CDH8: variants seen among roughly 807,000 people sequenced by gnomAD.
CDH8 encodes cadherin-8.
Under a neutral mutation model 68.1 loss-of-function variants are expected in CDH8, and 17 were observed. The observed-to-expected ratio is 0.25, with a 90% CI of 0.17 to 0.37. The LOEUF (loss-of-function observed/expected upper bound fraction) is 0.37. Ranked by LOEUF, CDH8 falls within the 10% of genes least tolerant of loss-of-function variation. The pLI is 1.00. For synonymous variants in CDH8, 372 were observed against 365.1 expected (o/e 1.02, Z -0.21); for missense variants, 763 against 999.3 (o/e 0.76, Z 3.19).
intron 2 of CDH8, among the ~76,000 whole-genome samples, chr16:61,950,951 TA>T (rs1357610678): frequency 6.6e-6 from 1 of 152,076 alleles, no homozygotes. Context: ...GTACCAGGCT[TA>T]ATACCTGAGT....
chr16:61,743,880 T>G (rs1207604279), intron 8 of CDH8, among the ~76,000 whole-genome samples: 1 of 152,170 alleles, frequency 6.6e-6, no homozygotes, highest in Non-Finnish European at 1.5e-5. Context: ...ATGTGTTAAT[T>G]TCTTTGTTTT....
intron 2 of CDH8, among the ~76,000 whole-genome samples, chr16:61,957,832 T>A (rs1206130111): frequency 6.6e-6 from 1 of 152,158 alleles, no homozygotes; most frequent in Admixed American, 6.6e-5. Context: ...GAAAGCCATT[T>A]CCTCTCCCTC....
At chr16:61,833,322 C>T (rs953706285) in intron 4 of CDH8, among the ~76,000 whole-genome samples, 7 of 151,176 alleles carry the variant, frequency 4.6e-5, no homozygotes, top group African/African-American at 1.5e-4. Context: ...TAAATATATA[C>T]GTTCATATAT....
At chr16:61,869,000 C>T (rs923705280) in intron 3 of CDH8, among the ~76,000 whole-genome samples, 1 of 152,058 alleles carries the variant, frequency 6.6e-6, no homozygotes, top group Admixed American at 6.5e-5. Context: ...GTTTTCAGCC[C>T]TGAAGATGTG....
intron 3 of CDH8, among the ~76,000 whole-genome samples, chr16:61,883,554 A>G (rs932891239): frequency 1.3e-5 from 2 of 151,954 alleles, no homozygotes; most frequent in African/African-American, 2.4e-5. Flanking sequence ...GGCAAGTGAT[A>G]CTAATAGTGA....
At chr16:61,732,416 C>T (rs1238062091) in intron 8 of CDH8, among the ~76,000 whole-genome samples, 1 of 151,730 alleles carries the variant, frequency 6.6e-6, no homozygotes, top group Non-Finnish European at 1.5e-5. Context: ...ATAAAAATAG[C>T]AGCTAACTTC....
intron 2 of CDH8, among the ~76,000 whole-genome samples, chr16:61,987,960 A>T (rs1033096187): frequency 6.6e-6 from 1 of 152,174 alleles, no homozygotes; most frequent in Non-Finnish European, 1.5e-5. Context: ...TTAGTAAATT[A>T]TGTTTCTGGT....
At chr16:61,674,907 C>A (rs1963866777) in intron 10 of CDH8, among the ~76,000 whole-genome samples, 1 of 142,844 alleles carries the variant, frequency 7.0e-6, no homozygotes, top group African/African-American at 2.6e-5. Context: ...ATTGCAATAG[C>A]AACTATCTGA....
At position 61,649,415 on chromosome 16, in the gene CDH8, T is replaced by C. The variant is rs1963272263; in HGVS notation, c.*4193A>G. 6.7e-6 allele frequency: 1 copy of C among 149,654 alleles called. No individual in the cohort carries two copies. Among genetic ancestry groups the C allele is most frequent in the East Asian group, 1.9e-4 (1 of 5,150 alleles). 9.3% of individuals were successfully genotyped at this position (149,654 alleles called of 1,614,324 possible). A position where few individuals can be genotyped will look rare whatever the true frequency, so the allele number is the denominator to read the frequency against. On this transcript the variant is annotated 3_prime_UTR_variant, in exon 12 of 12. Coordinates refer to ENST00000577390, the MANE Select transcript of CDH8 (RefSeq NM_001796.5). Reference sequence around the variant, plus strand: ...TAACTGAATTGTGTATATATGTGCATATTTATATATATGAATATATTTATA... The same window carrying C: ...TAACTGAATTGTGTATATATGTGCACATTTATATATATGAATATATTTATA...
At chr16:61,916,346 C>G (rs1317192267) in intron 2 of CDH8, among the ~76,000 whole-genome samples, 1 of 151,946 alleles carries the variant, frequency 6.6e-6, no homozygotes, top group African/African-American at 2.4e-5. Flanking sequence ...AAACCCCTGT[C>G]TCTACCAAAA....
chr16:61,793,141 A>G (rs889555943), intron 7 of CDH8, among the ~76,000 whole-genome samples: 5 of 151,896 alleles, frequency 3.3e-5, no homozygotes, highest in Admixed American at 3.3e-4. Flanking sequence ...ACACAGTGAG[A>G]AGTTGATTGT....
At chr16:61,815,983 T>C (rs1402489529) in intron 7 of CDH8, among the ~76,000 whole-genome samples, 1 of 152,156 alleles carries the variant, frequency 6.6e-6, no homozygotes, top group Non-Finnish European at 1.5e-5. Flanking sequence ...ATTCCTCCCA[T>C]TGCATTCAAC....
At position 61,651,369 on chromosome 16, in the gene CDH8, A is replaced by G. The variant is rs1054670513; in HGVS notation, c.*2239T>C. Reference sequence around the variant, plus strand: ...GTGTTCACTAGCCGTAATAATACGCATAAAAGATGACTTATTCTCAGCAAC... The same window carrying G: ...GTGTTCACTAGCCGTAATAATACGCGTAAAAGATGACTTATTCTCAGCAAC... On this transcript the variant is annotated 3_prime_UTR_variant, in exon 12 of 12. Transcript: ENST00000577390. The G allele has an allele frequency of 6.6e-6, 1 of 152,304 alleles. No homozygotes were observed. Among genetic ancestry groups the G allele is most frequent in the African/African-American group, 2.4e-5 (1 of 41,568 alleles). The allele number at this position is 152,304 out of a possible 1,614,324, so 9.4% of individuals were successfully genotyped here.
intron 9 of CDH8, among the ~76,000 whole-genome samples, chr16:61,717,274 A>G (rs1964748901): frequency 6.6e-6 from 1 of 151,688 alleles, no homozygotes; most frequent in South Asian, 2.1e-4. Flanking sequence ...TATTAGAGAA[A>G]ACAAAGCATA....
chr16:61,660,831 A>G (rs973517467), intron 10 of CDH8, among the ~76,000 whole-genome samples: 2 of 152,100 alleles, frequency 1.3e-5, no homozygotes, highest in Non-Finnish European at 2.9e-5. Flanking sequence ...ATCTTTCAAA[A>G]TAAATATGTA....
At chr16:61,916,789 TATTGGTGC>T (rs1199210084) in intron 2 of CDH8, among the ~76,000 whole-genome samples, 1 of 152,082 alleles carries the variant, frequency 6.6e-6, no homozygotes, top group Non-Finnish European at 1.5e-5. Flanking sequence ...TTACTTTCAA[TATTGGTGC>T]ATTTGAGGAG....
At chr16:62,015,825 G>A (rs757285346) in intron 2 of CDH8, among the ~76,000 whole-genome samples, 2 of 152,120 alleles carry the variant, frequency 1.3e-5, no homozygotes, top group Non-Finnish European at 2.9e-5. Context: ...AATACAAGAA[G>A]ATTGCAGTCT....
chr16:61,777,795 C>A (rs190651849), intron 8 of CDH8, among the ~76,000 whole-genome samples: 1 of 152,106 alleles, frequency 6.6e-6, no homozygotes, highest in Non-Finnish European at 1.5e-5. Context: ...CCATTTTGTG[C>A]CTGCATCACT....
rs563397397 is a variant in CDH8 at position 62,007,068 on chromosome 16, C to T, written c.252+14084G>A. On this transcript the variant is annotated intron_variant, in intron 2 of 11. Transcript: ENST00000577390. The stretch of plus-strand genomic sequence containing the variant: ...GACTGCAGGTGAGTGCCACCATGCC[C>T]GGGTAACTTTTGTATTTTTAGTAGA... Among the ~76,000 whole-genome samples, 166 of 152,114 alleles carry T rather than the reference C, an allele frequency of 1.1e-3. 1 individual carries two copies. The highest frequency in any genetic ancestry group is 3.7e-3 in the African/African-American group (154 of 41,508).
Sources: gnomAD v4.1 joint callset for allele counts (sites outside exome capture counted in the v4.1 genomes callset) on GRCh38, gnomAD v4.1.1 for gene constraint, MANE v1.5 for transcripts, NCBI Gene and HGNC (gene_info 2026-07-23, HGNC 2026-07-21) for gene names.